The following MAD1L1 variants were observed in gnomAD, a reference collection of about 807,000 sequenced individuals.
The protein encoded by MAD1L1 is mitotic arrest deficient 1 like 1.
Under a neutral mutation model 96.9 loss-of-function variants are expected in MAD1L1, and 95 were observed. That is an observed-to-expected ratio of 0.98 (90% CI 0.83 to 1.16). MAD1L1 has a LOEUF of 1.16. Ranked by LOEUF, MAD1L1 falls within the 50% of genes most tolerant of loss-of-function variation. The pLI, the probability that MAD1L1 is intolerant of heterozygous loss-of-function variation, is 0.00. For synonymous variants in MAD1L1, 473 were observed against 396.6 expected, an observed-to-expected ratio of 1.19 and a Z score of -2.29; for missense variants, 1,007 against 954.4, an observed-to-expected ratio of 1.06 and a Z score of -0.73.
intron 12 of MAD1L1, among the ~76,000 whole-genome samples, chr7:2,026,021 T>C (rs10251034): frequency 0.014 from 2,066 of 152,294 alleles, 54 homozygotes; most frequent in African/African-American, 0.047. Context: ...AGATTAAATA[T>C]TTCGACTAAG....
chr7:2,090,553 G>A (rs1786155874), intron 11 of MAD1L1, among the ~76,000 whole-genome samples: 1 of 152,184 alleles, frequency 6.6e-6, no homozygotes, highest in South Asian at 2.1e-4. Context: ...CAGCGTCCTT[G>A]TTCCTTCCCA....
At chr7:2,032,164 T>C (rs530361662) in intron 12 of MAD1L1, among the ~76,000 whole-genome samples, 3 of 152,362 alleles carry the variant, frequency 2.0e-5, no homozygotes, top group Middle Eastern at 3.4e-3. Context: ...CCCCAGTCCC[T>C]GTCCAGTGCC....
At chr7:2,215,592 G>A (rs949177627) in intron 9 of MAD1L1, among the ~76,000 whole-genome samples, 1 of 152,020 alleles carries the variant, frequency 6.6e-6, no homozygotes, top group Non-Finnish European at 1.5e-5. Flanking sequence ...CACCCAGCAA[G>A]AGCTGCCAAG....
chr7:2,218,082 T>G (rs570307995), intron 6 of MAD1L1, 39 bp from the exon 7 acceptor site: 3 of 1,505,064 alleles, frequency 2.0e-6, no homozygotes, highest in Non-Finnish European at 2.8e-6. Flanking sequence ...GAAACAGGCA[T>G]GCGGCAAGGC....
At chr7:2,004,137 C>T (rs1371206193) in intron 13 of MAD1L1, among the ~76,000 whole-genome samples, 1 of 152,166 alleles carries the variant, frequency 6.6e-6, no homozygotes, top group Non-Finnish European at 1.5e-5. Flanking sequence ...CCCTACACCC[C>T]GCCCAGGTCT....
chr7:1,916,796 C>A (rs1788430356), intron 17 of MAD1L1, among the ~76,000 whole-genome samples: 1 of 152,106 alleles, frequency 6.6e-6, no homozygotes, highest in Admixed American at 6.5e-5. Context: ...AGGCTGGGCT[C>A]CCAGGAACTC....
At chr7:2,033,082 G>A (rs994569146) in intron 12 of MAD1L1, among the ~76,000 whole-genome samples, 1 of 152,264 alleles carries the variant, frequency 6.6e-6, no homozygotes, top group Non-Finnish European at 1.5e-5. Flanking sequence ...ATGATAAACA[G>A]ACGCAGAACT....
Position 2,119,795 on chromosome 7 carries a change from C to T in MAD1L1, c.1073+29357G>A, listed in dbSNP as rs3800907. Among the ~76,000 whole-genome samples the T allele has an allele frequency of 0.045, 6,927 of 152,272 alleles. 251 individuals are homozygous for T. Among genetic ancestry groups the T allele is most frequent in the African/African-American group, 0.095 (3,934 of 41,532 alleles). ...AGCTCACACAGATGGCAGCCACACA[C>T]GTCCCACGACAACTGTTCCAGACCC... is the stretch of plus-strand genomic sequence containing the variant. On this transcript the variant is annotated intron_variant, in intron 11 of 18. Transcript: ENST00000265854. This position sits in a 1 kb window ranked among gnomAD's most constrained non-coding sequence, Gnocchi z 4.6.
At chr7:2,203,195 T>C (rs1339882713) in intron 10 of MAD1L1, among the ~76,000 whole-genome samples, 2 of 152,196 alleles carry the variant, frequency 1.3e-5, no homozygotes, top group South Asian at 2.1e-4. Context: ...CACGAGCAAA[T>C]GATTTCCTCC....
At chr7:1,981,272 T>G (rs1191275864) in intron 14 of MAD1L1, among the ~76,000 whole-genome samples, 1 of 151,184 alleles carries the variant, frequency 6.6e-6, no homozygotes, top group Non-Finnish European at 1.5e-5. Context: ...CGGCCAGGAG[T>G]GTGGATTCTA....
chr7:1,992,967 C>T (rs1781414513), intron 14 of MAD1L1, among the ~76,000 whole-genome samples: 1 of 152,210 alleles, frequency 6.6e-6, no homozygotes. Context: ...GTTTAAATCA[C>T]AGGAAAATGC....
chr7:1,937,349 T>C (rs2128464214), intron 16 of MAD1L1, among the ~76,000 whole-genome samples: 2 of 152,220 alleles, frequency 1.3e-5, no homozygotes, highest in South Asian at 4.1e-4. Flanking sequence ...AGAAACAAGG[T>C]CAACCACACA....
At chr7:1,850,752 C>T (rs1325914245) in intron 18 of MAD1L1, among the ~76,000 whole-genome samples, 3 of 152,214 alleles carry the variant, frequency 2.0e-5, no homozygotes, top group African/African-American at 7.2e-5. Context: ...CTGGCCCTGC[C>T]CAGCCACTGG....
chr7:2,156,908 C>G (rs1789878260), intron 10 of MAD1L1, among the ~76,000 whole-genome samples: 1 of 152,060 alleles, frequency 6.6e-6, no homozygotes, highest in Non-Finnish European at 1.5e-5. Flanking sequence ...AACCCTACAG[C>G]CTTCTGGGCA....
intron 12 of MAD1L1, among the ~76,000 whole-genome samples, chr7:2,062,817 C>T (rs1433213569): frequency 6.6e-6 from 1 of 152,180 alleles, no homozygotes; most frequent in African/African-American, 2.4e-5. Flanking sequence ...AAAACTGGAA[C>T]ACCTCACACG....
intron 17 of MAD1L1, among the ~76,000 whole-genome samples, chr7:1,913,639 C>T (rs1312122453): frequency 1.3e-5 from 2 of 152,008 alleles, no homozygotes; most frequent in African/African-American, 4.8e-5. Flanking sequence ...CGGCTGACAC[C>T]ATGAGGATTT....
chr7:1,980,703 G>A (rs1353699580), intron 14 of MAD1L1, 162 bp from the exon 15 acceptor site: 2 of 712,346 alleles, frequency 2.8e-6, no homozygotes, highest in Non-Finnish European at 5.2e-6. Context: ...TGCCAGGCCA[G>A]ACAGCACTCT....
chr7:2,001,941 CCGA>C, intron 14 of MAD1L1, 121 bp downstream of exon 14: 1 of 980,718 alleles, frequency 1.0e-6, no homozygotes, highest in Non-Finnish European at 1.6e-6. Flanking sequence ...AACGCAGCTT[CCGA>C]CGACAGAAGA....
intron 11 of MAD1L1, among the ~76,000 whole-genome samples, chr7:2,100,174 C>T (rs1786706013): frequency 6.6e-6 from 1 of 152,220 alleles, no homozygotes; most frequent in Non-Finnish European, 1.5e-5. Flanking sequence ...ACGGCCAGCG[C>T]AGTCAGCTGC....
Sources: allele counts gnomAD v4.1 joint callset (sites outside exome capture counted in the v4.1 genomes callset), GRCh38; gene constraint gnomAD v4.1.1; non-coding constraint Gnocchi (gnomAD v3.1); transcripts MANE v1.5; gene names NCBI Gene and HGNC (gene_info 2026-07-23, HGNC 2026-07-21).